The following GRIN2B variants were observed in gnomAD, a reference collection of about 807,000 sequenced individuals.
GRIN2B encodes the protein glutamate ionotropic receptor NMDA type subunit 2B, also known as glutamate receptor ionotropic, NMDA 2B.
GRIN2B carries 5 observed loss-of-function variants against 114.5 expected under a neutral mutation model. The observed-to-expected ratio is 0.04, with a 90% confidence interval of 0.02 to 0.09. GRIN2B has a LOEUF of 0.09. GRIN2B is among the 10% of genes least tolerant of loss of function. The pLI is 1.00. For missense variants in GRIN2B, 1,108 were observed against 1,943.5 expected (o/e 0.57, Z 8.08); for synonymous variants, 787 against 745.1 (o/e 1.06, Z -0.92).
At chr12:13,913,933 A>G (rs1411549452) in intron 2 of GRIN2B, among the ~76,000 whole-genome samples, 1 of 152,200 alleles carries the variant, frequency 6.6e-6, no homozygotes, top group Non-Finnish European at 1.5e-5. Flanking sequence ...TTAATTTATG[A>G]AAAATGCTTA....
At chr12:13,865,280 A>G (rs575632969) in intron 3 of GRIN2B, among the ~76,000 whole-genome samples, 1 of 152,316 alleles carries the variant, frequency 6.6e-6, no homozygotes, top group East Asian at 1.9e-4. Context: ...GGACACAAAA[A>G]CCTTTTCAAA....
intron 5 of GRIN2B, among the ~76,000 whole-genome samples, chr12:13,663,766 G>T (rs1949947032): frequency 1.3e-5 from 2 of 152,110 alleles, no homozygotes; most frequent in Admixed American, 1.3e-4. Flanking sequence ...AACCCAACTA[G>T]TTTGTGTGTG....
At chr12:13,748,258 C>T (rs567799774) in intron 4 of GRIN2B, among the ~76,000 whole-genome samples, 3 of 152,276 alleles carry the variant, frequency 2.0e-5, no homozygotes, top group East Asian at 1.9e-4. Flanking sequence ...AAATAGCATC[C>T]GTTCTTTCTA....
At chr12:13,747,548 T>C (rs1238997121) in intron 4 of GRIN2B, among the ~76,000 whole-genome samples, 1 of 152,220 alleles carries the variant, frequency 6.6e-6, no homozygotes, top group Non-Finnish European at 1.5e-5. Context: ...TACAGGTGTG[T>C]GTCATTTTAC....
rs117852052 is a variant in GRIN2B, at chr12:13,541,192, C to G, written c.*21591G>C. ...TTCTCTGATCTCCACTGTAACATTG[C>G]CTCTAGCTCCCTTGAAATGTTTCCA... On this transcript the variant is annotated 3_prime_UTR_variant, in exon 14 of 14. Transcript: ENST00000609686. The G allele has an allele frequency of 6.6e-6, 1 of 152,170 alleles. No individual in the cohort carries two copies. The highest frequency in any genetic ancestry group is 2.1e-4 in the South Asian group (1 of 4,830). 9.4% of individuals were successfully genotyped at this position (152,170 alleles called of 1,614,324 possible).
chr12:13,660,309 T>C (rs1415196489), intron 5 of GRIN2B, among the ~76,000 whole-genome samples: 1 of 152,176 alleles, frequency 6.6e-6, no homozygotes, highest in Non-Finnish European at 1.5e-5. Context: ...TATTCTTCCC[T>C]GCATCATACC....
At chr12:13,860,985 C>T (rs762218844) in intron 3 of GRIN2B, among the ~76,000 whole-genome samples, 7 of 152,210 alleles carry the variant, frequency 4.6e-5, no homozygotes, top group Non-Finnish European at 1.0e-4. Context: ...TTATTTCCCT[C>T]ACCTAAAGTG....
intron 3 of GRIN2B, among the ~76,000 whole-genome samples, chr12:13,839,301 A>G (rs1476474493): frequency 6.6e-6 from 1 of 152,216 alleles, no homozygotes; most frequent in East Asian, 1.9e-4. Flanking sequence ...GCTAAGAAGT[A>G]CCTGAATGAG....
At chr12:13,859,728 G>A (rs138815414) in intron 3 of GRIN2B, among the ~76,000 whole-genome samples, 33 of 152,234 alleles carry the variant, frequency 2.2e-4, no homozygotes, top group African/African-American at 7.2e-4. Flanking sequence ...ATACATAAAC[G>A]CTCTCTGATT....
intron 5 of GRIN2B, among the ~76,000 whole-genome samples, chr12:13,656,781 A>C (rs952551464): frequency 1.3e-5 from 2 of 152,228 alleles, no homozygotes; most frequent in African/African-American, 4.8e-5. Flanking sequence ...CCATAGTCAG[A>C]ACACTGGAAA....
At chr12:13,708,612 G>T (rs1184043456) in intron 4 of GRIN2B, among the ~76,000 whole-genome samples, 3 of 151,930 alleles carry the variant, frequency 2.0e-5, no homozygotes, top group Admixed American at 6.6e-5. Context: ...AATTTGTGGG[G>T]TTTTTTGAGC....
intron 3 of GRIN2B, among the ~76,000 whole-genome samples, chr12:13,845,583 T>A (rs1865456371): frequency 6.6e-6 from 1 of 152,206 alleles, no homozygotes; most frequent in Non-Finnish European, 1.5e-5. Context: ...AGAATTGAGA[T>A]GTGGCCTCAG....
At position 13,548,807 on chromosome 12, in the gene GRIN2B, C is replaced by T. The variant is rs1228195525; in HGVS notation, c.*13976G>A. 6.6e-6 allele frequency: 1 copy of T among 151,630 alleles called. No individual in the cohort carries two copies. Among genetic ancestry groups the T allele is most frequent in the East Asian group, 1.9e-4 (1 of 5,178 alleles). 9.4% of individuals were successfully genotyped at this position (151,630 alleles called of 1,614,324 possible). ...AATTAGTCTAGTGCCCACCTCCTCCCCCCATCTTCATGCATGGGAATAAAA... is the reference window on the plus strand; with the variant it reads ...AATTAGTCTAGTGCCCACCTCCTCCTCCCATCTTCATGCATGGGAATAAAA... On this transcript the variant is annotated 3_prime_UTR_variant, in exon 14 of 14. Transcript: ENST00000609686.
At chr12:13,931,607 T>C (rs1023851903) in intron 2 of GRIN2B, among the ~76,000 whole-genome samples, 6 of 152,214 alleles carry the variant, frequency 3.9e-5, no homozygotes, top group African/African-American at 9.6e-5. Context: ...ATATGTCTAG[T>C]TCTGACTTCT....
intron 2 of GRIN2B, among the ~76,000 whole-genome samples, chr12:13,962,447 A>C (rs1453415927): frequency 1.3e-5 from 2 of 152,226 alleles, no homozygotes; most frequent in African/African-American, 4.8e-5. Flanking sequence ...CGTTTTGTAT[A>C]AAAGTAACCC....
rs930723437 is a variant in GRIN2B at position 13,557,191 on chromosome 12, C to A, written c.*5592G>T. The A allele has an allele frequency of 2.0e-5, 3 of 151,988 alleles. No individual in the cohort carries two copies. Among genetic ancestry groups the A allele is most frequent in the Admixed American group, 6.5e-5 (1 of 15,268 alleles). The allele number at this position is 151,988 out of a possible 1,614,324, so 9.4% of individuals were successfully genotyped here. A position where few individuals can be genotyped will look rare whatever the true frequency, so the allele number is the denominator to read the frequency against. On this transcript the variant is annotated 3_prime_UTR_variant, in exon 14 of 14. Transcript: ENST00000609686. ...ATTTTATACAATACTGCAACCCCACCCCCCAAACTAGAATAGAATCCTAGA... is the reference window on the plus strand; with the variant it reads ...ATTTTATACAATACTGCAACCCCACACCCCAAACTAGAATAGAATCCTAGA...
chr12:13,873,109 T>C (rs370994740), intron 2 of GRIN2B, among the ~76,000 whole-genome samples: 11 of 152,356 alleles, frequency 7.2e-5, no homozygotes, highest in African/African-American at 2.6e-4. Context: ...TTGACTCAAT[T>C]CTGCAGAACA....
intron 3 of GRIN2B, among the ~76,000 whole-genome samples, chr12:13,843,950 G>A (rs1865428377): frequency 1.3e-5 from 2 of 152,140 alleles, no homozygotes; most frequent in South Asian, 4.1e-4. Flanking sequence ...ATATATTTTA[G>A]CCTACATTCA....
intron 10 of GRIN2B, among the ~76,000 whole-genome samples, chr12:13,573,295 C>CA (rs1156530564): frequency 6.7e-6 from 1 of 148,848 alleles, no homozygotes; most frequent in African/African-American, 2.5e-5. Context: ...ACTAAAAATA[C>CA]AAAAAACTAG....
Sources: gnomAD v4.1 joint callset for allele counts (sites outside exome capture counted in the v4.1 genomes callset) on GRCh38, gnomAD v4.1.1 for gene constraint, MANE v1.5 for transcripts, NCBI Gene and HGNC (gene_info 2026-07-23, HGNC 2026-07-21) for gene names.